JPH3: variants seen among roughly 807,000 people sequenced by gnomAD.
JPH3 encodes junctophilin 3, also known as junctophilin-3.
JPH3 carries 11 observed loss-of-function variants against 59.6 expected under a neutral mutation model. The ratio of observed to expected loss-of-function variants is 0.18; its 90% CI spans 0.12 to 0.31. The LOEUF (loss-of-function observed/expected upper bound fraction) is 0.31. JPH3 is among the 10% of genes least tolerant of loss of function. The pLI, the probability that JPH3 is intolerant of heterozygous loss-of-function variation, is 1.00. For missense variants in JPH3, 1,202 were observed against 1,105.7 expected (o/e 1.09, Z -1.24); for synonymous variants, 673 against 483.6 (o/e 1.39, Z -5.14).
chr16:87,696,503 A>T (rs2033862729), intron 4 of JPH3, 77 bp from the exon 5 acceptor site: 1 of 1,199,636 alleles, frequency 8.3e-7, no homozygotes, highest in Non-Finnish European at 1.2e-6. Flanking sequence ...TGGTGAAAAG[A>T]CGTGGGTGGG....
chr16:87,651,973 T>G (rs928851947), intron 2 of JPH3, among the ~76,000 whole-genome samples: 36 of 109,600 alleles, frequency 3.3e-4, no homozygotes, highest in African/African-American at 7.8e-4. Context: ...ATTGTTGTCG[T>G]TTTTTTTTTG....
chr16:87,615,213 C>A (rs578199137), intron 1 of JPH3, among the ~76,000 whole-genome samples: 1 of 152,204 alleles, frequency 6.6e-6, no homozygotes. Flanking sequence ...GGGGCCTAAG[C>A]GTGCCCAGAT....
At chr16:87,660,262 G>T (rs1301198478) in intron 2 of JPH3, among the ~76,000 whole-genome samples, 1 of 152,158 alleles carries the variant, frequency 6.6e-6, no homozygotes, top group Non-Finnish European at 1.5e-5. Flanking sequence ...TTCTGTTTCA[G>T]AGAGTTGAGC....
chr16:87,622,819 G>T (rs1220328889), intron 1 of JPH3, among the ~76,000 whole-genome samples: 4 of 152,142 alleles, frequency 2.6e-5, no homozygotes, highest in Admixed American at 6.5e-5. Flanking sequence ...GGCTGGGGCT[G>T]GGGGGCTGGG....
At chr16:87,685,333 C>T (rs7205544) in intron 3 of JPH3, among the ~76,000 whole-genome samples, 39,547 of 152,212 alleles carry the variant, frequency 0.26, 5,390 homozygotes, top group Middle Eastern at 0.43. Context: ...TCCACTGCGT[C>T]CCCTCCACTC....
chr16:87,646,601 G>A (rs1261518102), intron 2 of JPH3, among the ~76,000 whole-genome samples: 1 of 152,216 alleles, frequency 6.6e-6, no homozygotes, highest in South Asian at 2.1e-4. Flanking sequence ...TGGATCGGCC[G>A]AGCGCTCTCC....
chr16:87,623,186 G>C (rs1202636079), intron 1 of JPH3, among the ~76,000 whole-genome samples: 2 of 152,226 alleles, frequency 1.3e-5, no homozygotes, highest in Non-Finnish European at 2.9e-5. Flanking sequence ...TCTCCTGGGA[G>C]CTGTGTGGTC....
At chr16:87,617,605 G>A (rs1006227873) in intron 1 of JPH3, among the ~76,000 whole-genome samples, 12 of 147,430 alleles carry the variant, frequency 8.1e-5, no homozygotes, top group Non-Finnish European at 1.5e-4. Context: ...TCCAAGGAGT[G>A]GAGATAGTGG....
chr16:87,650,031 G>A (rs2032281162), intron 2 of JPH3, among the ~76,000 whole-genome samples: 1 of 152,212 alleles, frequency 6.6e-6, no homozygotes, highest in Non-Finnish European at 1.5e-5. Flanking sequence ...GGATTGTTCT[G>A]GGGGCAGGCC....
At chr16:87,639,698 C>T (rs1387667516) in intron 1 of JPH3, among the ~76,000 whole-genome samples, 2 of 151,736 alleles carry the variant, frequency 1.3e-5, no homozygotes, top group East Asian at 3.9e-4. Flanking sequence ...TCGCACCCTC[C>T]GTTCTACTTT....
At chr16:87,692,035 C>T (rs574980051) in intron 4 of JPH3, among the ~76,000 whole-genome samples, 113 of 152,272 alleles carry the variant, frequency 7.4e-4, no homozygotes, top group African/African-American at 2.5e-3. Flanking sequence ...GTTAGCGACA[C>T]GCAGGGTGCT....
At chr16:87,616,048 C>T (rs1241541869) in intron 1 of JPH3, among the ~76,000 whole-genome samples, 2 of 152,156 alleles carry the variant, frequency 1.3e-5, no homozygotes, top group Non-Finnish European at 2.9e-5. Flanking sequence ...TCAGAGAGCC[C>T]TGTGGCTGCC....
At chr16:87,608,216 GA>G (rs2030598352) in intron 1 of JPH3, among the ~76,000 whole-genome samples, 1 of 152,258 alleles carries the variant, frequency 6.6e-6, no homozygotes, top group Admixed American at 6.5e-5. Context: ...AGAAGGGGTG[GA>G]GTGTGGGGGT....
At chr16:87,661,016 A>G (rs552162928) in intron 2 of JPH3, among the ~76,000 whole-genome samples, 7 of 152,366 alleles carry the variant, frequency 4.6e-5, no homozygotes, top group Admixed American at 4.6e-4. Context: ...TTGTATGCAC[A>G]TAATGAGATA....
intron 1 of JPH3, among the ~76,000 whole-genome samples, chr16:87,627,868 C>T (rs1489965045): frequency 1.3e-5 from 2 of 152,328 alleles, no homozygotes; most frequent in South Asian, 2.1e-4. Context: ...ACAGCATCAG[C>T]CAGGCACCCT....
intron 2 of JPH3, among the ~76,000 whole-genome samples, chr16:87,664,885 G>T (rs534935160): frequency 2.0e-5 from 3 of 152,248 alleles, no homozygotes; most frequent in African/African-American, 7.2e-5. Flanking sequence ...AGCGTCATGA[G>T]GACCCAGGTC....
chr16:87,603,742 G>T (rs1338021324), intron 1 of JPH3, among the ~76,000 whole-genome samples: 3 of 152,236 alleles, frequency 2.0e-5, no homozygotes, highest in Non-Finnish European at 4.4e-5. Flanking sequence ...GCTGAAGGGT[G>T]TTGGGGGCTT....
Position 87,652,595 on chromosome 16 carries a change from C to T in JPH3, c.1160+7560C>T, listed in dbSNP as rs190421673. 5.9e-5 allele frequency among the ~76,000 whole-genome samples: 9 copies of T among 152,290 alleles called. No homozygotes were observed. In the East Asian group the frequency reaches 9.6e-4, roughly 16 times the overall value. ...CCTCCTGCTTCCGCCTTCCGAGTAG[C>T]GTGTGGGGAGGGTGCACGCAGCTGG... On this transcript the variant is annotated intron_variant, in intron 2 of 4. Coordinates refer to ENST00000284262, the MANE Select transcript of JPH3 (RefSeq NM_020655.4).
In JPH3 at chr16:87,698,098, C is replaced by T. The variant is rs1010106686; in HGVS notation, c.*1438C>T. 9.2e-5 allele frequency: 14 copies of T among 152,760 alleles called. No homozygotes were observed. The highest frequency in any genetic ancestry group is 2.6e-4 in the African/African-American group (11 of 41,584). 9.5% of individuals were successfully genotyped at this position (152,760 alleles called of 1,614,324 possible). On this transcript the variant is annotated 3_prime_UTR_variant, in exon 5 of 5. Transcript: ENST00000284262. The stretch of plus-strand genomic sequence containing the variant: ...GAGCAGACTTCTTTACTACACTGCA[C>T]TGGATTGCTATATTTTTAACCAGAA...
Sources: gnomAD v4.1 joint callset for allele counts (sites outside exome capture counted in the v4.1 genomes callset) on GRCh38, gnomAD v4.1.1 for gene constraint, MANE v1.5 for transcripts, NCBI Gene and HGNC (gene_info 2026-07-23, HGNC 2026-07-21) for gene names.